CRTC3: variants seen among roughly 807,000 people sequenced by gnomAD.
The protein encoded by CRTC3 is CREB regulated transcription coactivator 3, also known as CREB-regulated transcription coactivator 3.
A neutral mutation model predicts 74.5 loss-of-function variants in CRTC3; 26 were observed. The ratio of observed to expected loss-of-function variants is 0.35; its 90% CI spans 0.26 to 0.48. The LOEUF (loss-of-function observed/expected upper bound fraction) is 0.48. Among genes scored for constraint, CRTC3 ranks in the 20% least tolerant of loss-of-function variants. The pLI, the probability that CRTC3 is intolerant of heterozygous loss-of-function variation, is 0.99. For missense variants in CRTC3, 760 were observed against 787.3 expected, an observed-to-expected ratio of 0.97 and a Z score of 0.41; for synonymous variants, 377 against 325.8, an observed-to-expected ratio of 1.16 and a Z score of -1.69.
At chr15:90,548,608 C>A (rs1966848711) in intron 2 of CRTC3, among the ~76,000 whole-genome samples, 1 of 152,086 alleles carries the variant, frequency 6.6e-6, no homozygotes, top group African/African-American at 2.4e-5. Flanking sequence ...CAAAAAGATA[C>A]ATCAGTTAAA....
intron 6 of CRTC3, among the ~76,000 whole-genome samples, chr15:90,609,537 A>AGAGT (rs1968309549): frequency 6.6e-6 from 1 of 152,158 alleles, no homozygotes; most frequent in Non-Finnish European, 1.5e-5. Context: ...CTTCATTTAC[A>AGAGT]TTACCCTCTG....
At position 90,625,859 on chromosome 15, in the gene CRTC3, C is replaced by G; in HGVS notation, c.833C>G (p.Thr278Ser). ...LNTGGSLPDL[T>S]NLHYSTPLPA... Reference sequence around the variant, plus strand: ...ACTGGAGGGTCATTGCCAGATCTAACCAACCTCCACTACTCGACACCCCTG... The same window carrying G: ...ACTGGAGGGTCATTGCCAGATCTAAGCAACCTCCACTACTCGACACCCCTG... Residue 278 changes from threonine (T) to serine (S), a missense_variant, in exon 10 of 15, where the codon ACC becomes AGC. Thr to Ser is a moderately conservative substitution (Grantham distance 58, BLOSUM62 1). This residue lies in a region of CRTC3 where 652 missense variants were observed against 635.2 expected (regional missense o/e 1.03). Transcript: ENST00000268184. 1 of 1,614,168 alleles carries G rather than the reference C, an allele frequency of 6.2e-7. No individual in the cohort carries two copies. The highest frequency in any genetic ancestry group is 1.1e-5 in the South Asian group (1 of 91,080).
chr15:90,602,950 G>A (rs1968114558), intron 4 of CRTC3, among the ~76,000 whole-genome samples: 2 of 152,036 alleles, frequency 1.3e-5, no homozygotes, highest in Non-Finnish European at 2.9e-5. Flanking sequence ...CTCCAGCCTG[G>A]TAACAGAGTG....
rs545058884 is a variant in CRTC3, at chr15:90,642,308, C to T, written c.*168C>T. On this transcript the variant is annotated 3_prime_UTR_variant, in exon 15 of 15. Coordinates refer to ENST00000268184, the MANE Select transcript of CRTC3 (RefSeq NM_022769.5). ...CCCATCTCAGACACTGTGGCTTCCT[C>T]CAGATCACACAGCTTTGTACTGCCT... is the stretch of plus-strand genomic sequence containing the variant. 8.0e-6 allele frequency: 5 copies of T among 624,262 alleles called. No homozygotes were observed. The highest frequency in any genetic ancestry group is 3.7e-5 in the African/African-American group (2 of 54,614). 38.7% of individuals were successfully genotyped at this position (624,262 alleles called of 1,614,324 possible).
chr15:90,640,812 C>A (rs1969411343), intron 13 of CRTC3, among the ~76,000 whole-genome samples: 1 of 152,112 alleles, frequency 6.6e-6, no homozygotes, highest in East Asian at 1.9e-4. Flanking sequence ...GTCTGAGGGG[C>A]CACAGAAACC....
intron 2 of CRTC3, among the ~76,000 whole-genome samples, chr15:90,574,397 GA>G (rs1215483266): frequency 6.6e-6 from 1 of 152,192 alleles, no homozygotes; most frequent in African/African-American, 2.4e-5. Flanking sequence ...AGGATAGCTT[GA>G]ACCTGAGAGG....
chr15:90,632,882 G>A lies in CRTC3; in HGVS notation c.1266+3350G>A, dbSNP rs1375686660. ...GGCGTCCCAAAGTGCTGGATTACAG[G>A]CATGAGCCACCTCACCCAGCCTAAC... On this transcript the variant is annotated intron_variant, in intron 11 of 14. Transcript: ENST00000268184. 2.0e-5 allele frequency among the ~76,000 whole-genome samples: 3 copies of A among 152,194 alleles called. No individual in the cohort carries two copies. In the East Asian group the frequency reaches 5.8e-4, roughly 29 times the overall value.
intron 10 of CRTC3, among the ~76,000 whole-genome samples, chr15:90,626,538 A>G (rs895977773): frequency 6.6e-6 from 1 of 151,226 alleles, no homozygotes; most frequent in African/African-American, 2.4e-5. Flanking sequence ...CTTGGGTGTT[A>G]CTCTCTGGGT....
Position 90,643,538 on chromosome 15 carries a change from G to A in CRTC3, c.*1398G>A, listed in dbSNP as rs1331867854. On this transcript the variant is annotated 3_prime_UTR_variant, in exon 15 of 15. Coordinates refer to ENST00000268184, the MANE Select transcript of CRTC3 (RefSeq NM_022769.5). ...TCAGATCCACGTTTGGCTCTAAATT[G>A]CTTCAAGTAGAGATTCATTCTTTGA... 3 of 228,738 alleles carry A rather than the reference G, an allele frequency of 1.3e-5. No individual in the cohort carries two copies. The highest frequency in any genetic ancestry group is 1.7e-5 in the Non-Finnish European group (2 of 115,350). The allele number at this position is 228,738 out of a possible 1,614,324, so 14.2% of individuals were successfully genotyped here.
intron 2 of CRTC3, among the ~76,000 whole-genome samples, chr15:90,556,026 G>GT (rs1966886143): frequency 6.6e-6 from 1 of 151,846 alleles, no homozygotes; most frequent in South Asian, 2.1e-4. Flanking sequence ...TTAATGTTAA[G>GT]TTTATTTTTC....
chr15:90,563,180 T>C (rs10852135), intron 2 of CRTC3, among the ~76,000 whole-genome samples: 130,704 of 152,082 alleles, frequency 0.86, 56,438 homozygotes, highest in Middle Eastern at 0.93. Flanking sequence ...CTGAGGCGGG[T>C]GGATCACTTG....
At chr15:90,531,383 G>GT (rs1966624382) in intron 1 of CRTC3, among the ~76,000 whole-genome samples, 1 of 152,258 alleles carries the variant, frequency 6.6e-6, no homozygotes, top group South Asian at 2.1e-4. Context: ...TTCAAATGGA[G>GT]TAAGAACTCT....
chr15:90,556,834 A>G (rs1966898703), intron 2 of CRTC3, among the ~76,000 whole-genome samples: 1 of 151,932 alleles, frequency 6.6e-6, no homozygotes. Context: ...ACGGTCTACT[A>G]CTTTTCAATG....
chr15:90,642,355 G>A lies in CRTC3; in HGVS notation c.*215G>A, dbSNP rs1267012661. The A allele has an allele frequency of 2.5e-5, 14 of 571,310 alleles. No individual in the cohort carries two copies. The highest frequency in any genetic ancestry group is 3.8e-5 in the Non-Finnish European group (12 of 319,536). The allele number at this position is 571,310 out of a possible 1,614,324, so 35.4% of individuals were successfully genotyped here. A position where few individuals can be genotyped will look rare whatever the true frequency, so the allele number is the denominator to read the frequency against. ...GCCTCTCCCGCCTGTGGCCAAAGTC[G>A]TGTTGCAGCAGGCAGGCTGCTTGGA... On this transcript the variant is annotated 3_prime_UTR_variant, in exon 15 of 15. Coordinates refer to ENST00000268184, the MANE Select transcript of CRTC3 (RefSeq NM_022769.5).
intron 1 of CRTC3, among the ~76,000 whole-genome samples, chr15:90,531,586 T>C (rs1312718735): frequency 6.6e-6 from 1 of 152,018 alleles, no homozygotes; most frequent in Non-Finnish European, 1.5e-5. Context: ...TTCAAGAAAA[T>C]GTTTTCTTAT....
intron 5 of CRTC3, among the ~76,000 whole-genome samples, chr15:90,604,996 C>A (rs1054772239): frequency 2.0e-5 from 3 of 152,100 alleles, no homozygotes; most frequent in Non-Finnish European, 4.4e-5. Flanking sequence ...CATGGTGGCT[C>A]ACGCCTATAG....
chr15:90,637,280 CATT>C (rs1302991037), intron 11 of CRTC3, among the ~76,000 whole-genome samples: 2 of 152,162 alleles, frequency 1.3e-5, no homozygotes, highest in Non-Finnish European at 2.9e-5. Flanking sequence ...TGGAAACCAT[CATT>C]CTCAGCAAAC....
intron 2 of CRTC3, among the ~76,000 whole-genome samples, chr15:90,569,261 C>G (rs375751401): frequency 6.6e-6 from 1 of 151,430 alleles, no homozygotes; most frequent in African/African-American, 2.4e-5. Flanking sequence ...GCCTTGGCCT[C>G]CCAAAGTGCT....
At chr15:90,606,180 C>T (rs547583506) in intron 5 of CRTC3, among the ~76,000 whole-genome samples, 73 of 152,202 alleles carry the variant, frequency 4.8e-4, no homozygotes, top group African/African-American at 1.6e-3. Context: ...CGCTTGAACC[C>T]GGGAGGCAGA....
Sources: gnomAD v4.1 joint callset for allele counts (sites outside exome capture counted in the v4.1 genomes callset) on GRCh38, gnomAD v4.1.1 for gene constraint, gnomAD v4.1.1 regional missense constraint, MANE v1.5 for transcripts, NCBI Gene and HGNC (gene_info 2026-07-23, HGNC 2026-07-21) for gene names.